Variants in SLC14A2 observed in about 807,000 individuals in gnomAD.
SLC14A2 encodes the protein urea transporter 2.
In SLC14A2, 91 loss-of-function variants were observed where a neutral mutation model predicts 104.6. The ratio of observed to expected loss-of-function variants is 0.87; its 90% CI spans 0.73 to 1.04. SLC14A2 has a LOEUF of 1.04. SLC14A2 is among the 50% of genes least tolerant of loss of function. SLC14A2 has a pLI of 0.00. For missense variants in SLC14A2, 1,189 were observed against 1,156.0 expected (o/e 1.03, Z -0.41); for synonymous variants, 476 against 466.4 (o/e 1.02, Z -0.27).
chr18:45,196,279 A>C, the SLC14A2 span, among the ~76,000 whole-genome samples: 30 of 152,358 alleles, frequency 2.0e-4, no homozygotes, highest in East Asian at 5.4e-3. Context: ...CAAGTGCACC[A>C]CATTAGTTAC....
At chr18:45,409,660 C>G (rs2086193719) in intron 1 of SLC14A2, among the ~76,000 whole-genome samples, 1 of 152,102 alleles carries the variant, frequency 6.6e-6, no homozygotes, top group Non-Finnish European at 1.5e-5. Flanking sequence ...TCCCAGAAGA[C>G]AGTTTACAGG....
At chr18:45,511,318 G>T (rs2043362654) in intron 2 of SLC14A2, among the ~76,000 whole-genome samples, 1 of 152,176 alleles carries the variant, frequency 6.6e-6, no homozygotes, top group Admixed American at 6.5e-5. Context: ...TTTTGGGGCA[G>T]TGGATCTCTG....
At chr18:45,388,341 C>T (rs1474577976) in intron 1 of SLC14A2, among the ~76,000 whole-genome samples, 1 of 152,078 alleles carries the variant, frequency 6.6e-6, no homozygotes, top group Non-Finnish European at 1.5e-5. Context: ...GGATTACAGG[C>T]ATGAGCCACC....
intron 1 of SLC14A2, among the ~76,000 whole-genome samples, chr18:45,461,067 A>G (rs555976898): frequency 5.0e-4 from 76 of 152,178 alleles, no homozygotes; most frequent in African/African-American, 1.8e-3. Context: ...ATTTTCTACA[A>G]TTCCTTTTCA....
At chr18:45,553,369 C>T (rs747298159) in intron 2 of SLC14A2, among the ~76,000 whole-genome samples, 7 of 152,318 alleles carry the variant, frequency 4.6e-5, no homozygotes, top group African/African-American at 7.2e-5. Flanking sequence ...TTCCCTTGAC[C>T]AGCCTAAGCC....
intron 2 of SLC14A2, among the ~76,000 whole-genome samples, chr18:45,604,507 G>A (rs563415898): frequency 6.6e-6 from 1 of 152,220 alleles, no homozygotes; most frequent in Non-Finnish European, 1.5e-5. Flanking sequence ...CTTTATAAAT[G>A]CATCAGGAAC....
chr18:45,568,508 A>C lies in SLC14A2; in HGVS notation c.-34-56123A>C, dbSNP rs543184407. The stretch of plus-strand genomic sequence containing the variant: ...CCTCCTCATTGTGATGGGCAGAGCC[A>C]CGAGAGTGGTTCTGAAGAATGAGTT... On this transcript the variant is annotated intron_variant, in intron 2 of 20. Transcript: ENST00000586448. 5.3e-5 allele frequency among the ~76,000 whole-genome samples: 8 copies of C among 152,374 alleles called. No homozygotes were observed. The East Asian group carries it at 1.5e-3, about 29-fold the overall frequency.
chr18:45,417,761 C>A (rs538263908), intron 1 of SLC14A2, among the ~76,000 whole-genome samples: 6 of 152,224 alleles, frequency 3.9e-5, no homozygotes, highest in Admixed American at 2.0e-4. Flanking sequence ...AGTGTGACCT[C>A]TCCTGAAGAT....
At chr18:45,650,766 T>G (rs913723893) in intron 10 of SLC14A2, among the ~76,000 whole-genome samples, 1 of 151,884 alleles carries the variant, frequency 6.6e-6, no homozygotes, top group African/African-American at 2.4e-5. Flanking sequence ...TGAGACGGAG[T>G]TTTGTTCTTG....
At chr18:45,576,302 G>T (rs2144348974) in intron 2 of SLC14A2, among the ~76,000 whole-genome samples, 1 of 130,084 alleles carries the variant, frequency 7.7e-6, no homozygotes, top group South Asian at 2.8e-4. Flanking sequence ...TTGAGATGGA[G>T]TCTCTCTCAC....
At chr18:45,570,707 A>G (rs2044332564) in intron 2 of SLC14A2, among the ~76,000 whole-genome samples, 1 of 152,210 alleles carries the variant, frequency 6.6e-6, no homozygotes, top group Non-Finnish European at 1.5e-5. Context: ...CACCAGGACC[A>G]TGCACCTCCT....
At chr18:45,416,337 C>T (rs2086277305) in intron 1 of SLC14A2, among the ~76,000 whole-genome samples, 1 of 150,414 alleles carries the variant, frequency 6.6e-6, no homozygotes, top group East Asian at 2.0e-4. Context: ...AGCAACCACT[C>T]TGGCTGCTCT....
At chr18:45,582,731 C>T (rs1297382711) in intron 2 of SLC14A2, among the ~76,000 whole-genome samples, 1 of 152,170 alleles carries the variant, frequency 6.6e-6, no homozygotes, top group Admixed American at 6.5e-5. Context: ...CTGTGACTTA[C>T]TCCTGCTGGC....
chr18:45,302,643 CTATAG>C (rs1293733312), intron 1 of SLC14A2, among the ~76,000 whole-genome samples: 1 of 152,030 alleles, frequency 6.6e-6, no homozygotes, highest in Non-Finnish European at 1.5e-5. Flanking sequence ...GGTCTTCTTT[CTATAG>C]CCAACAGACA....
Position 45,588,196 on chromosome 18 carries a change from T to G in SLC14A2, c.-34-36435T>G, listed in dbSNP as rs547877326. On this transcript the variant is annotated intron_variant, in intron 2 of 20. Transcript: ENST00000586448. ...GAGATGTCTGATCACTAGGGCTCTC[T>G]GAAAATAGAAGGAACTGGCTGGGGA... is the stretch of plus-strand genomic sequence containing the variant. 1.9e-3 allele frequency among the ~76,000 whole-genome samples: 294 copies of G among 152,264 alleles called. 3 individuals carry two copies. The highest frequency in any genetic ancestry group is 6.8e-3 in the African/African-American group (281 of 41,550).
chr18:45,614,747 T>C (rs1266776106), upstream of SLC14A2: 1 of 151,578 alleles, frequency 6.6e-6, no homozygotes, highest in Non-Finnish European at 1.5e-5. Context: ...GGAGCATTTA[T>C]CCAATGCCTC....
intron 1 of SLC14A2, among the ~76,000 whole-genome samples, chr18:45,216,410 G>T (rs1217340642): frequency 6.6e-6 from 1 of 152,168 alleles, no homozygotes; most frequent in African/African-American, 2.4e-5. Context: ...GGTCTAGTCT[G>T]ATTCCTGAAT....
chr18:45,323,509 A>AT (rs1307515690), intron 1 of SLC14A2, among the ~76,000 whole-genome samples: 3 of 151,934 alleles, frequency 2.0e-5, no homozygotes, highest in Non-Finnish European at 4.4e-5. Context: ...ATCTGACCAT[A>AT]TTTTTTTTCT....
intron 15 of SLC14A2, 91 bp downstream of exon 15, chr18:45,668,568 T>A: frequency 7.1e-7 from 1 of 1,401,068 alleles, no homozygotes. Flanking sequence ...AACGTGATAT[T>A]AAAGTGGCAT....
Sources: allele counts gnomAD v4.1 joint callset (sites outside exome capture counted in the v4.1 genomes callset), GRCh38; gene constraint gnomAD v4.1.1; transcripts MANE v1.5; gene names NCBI Gene and HGNC (gene_info 2026-07-23, HGNC 2026-07-21).